The following FBN3 variants were observed in gnomAD, a reference collection of about 807,000 sequenced individuals.
The protein encoded by FBN3 is fibrillin-3.
In FBN3, 234 loss-of-function variants were observed where a neutral mutation model predicts 330.1. The ratio of observed to expected loss-of-function variants is 0.71; its 90% CI spans 0.64 to 0.79. The LOEUF is 0.79. Among genes scored for constraint, FBN3 ranks in the 30% least tolerant of loss-of-function variants. FBN3 has a pLI of 0.00. For synonymous variants in FBN3, 1,458 were observed against 1,517.3 expected (o/e 0.96, Z 0.91); for missense variants, 3,606 against 3,886.9 (o/e 0.93, Z 1.92).
intron 40 of FBN3, among the ~76,000 whole-genome samples, chr19:8,101,239 C>A (rs1253376631): frequency 6.6e-6 from 1 of 152,194 alleles, no homozygotes; most frequent in Non-Finnish European, 1.5e-5. Flanking sequence ...ACCCTCCCAC[C>A]TTAGCCTCCC....
At position 8,121,309 on chromosome 19, in the gene FBN3, C is replaced by T. The variant is rs926312402; in HGVS notation, c.3160G>A (p.Glu1054Lys). ...CCACTCTCGTAGCCGGGAAAACACT[C>T]GCACTCAAAGCTGCCCGGCGTGTTG... The part of the protein sequence containing the change: ...CVNTPGSFEC[E>K]CFPGYESGFM... The change falls in exon 25 of 64, where the codon GAG becomes AAG. Residue 1054 changes from glutamate to lysine, a missense_variant. Glu to Lys is a moderately conservative substitution (Grantham distance 56). Coordinates refer to ENST00000600128, the MANE Select transcript of FBN3 (RefSeq NM_032447.5). The surrounding 1 kb of genome is among the most constrained non-coding windows in gnomAD (Gnocchi z 4.5). 1.2e-5 allele frequency: 19 copies of T among 1,613,442 alleles called. No homozygotes were observed. Among genetic ancestry groups the T allele is most frequent in the East Asian group, 2.2e-5 (1 of 44,814 alleles).
In FBN3 at chr19:8,075,228, G is replaced by A. The variant is rs773678898; in HGVS notation, c.7583-38C>T. On this transcript the variant is annotated intron_variant, in intron 60 of 63. Transcript: ENST00000600128. ...GAGAGGGAGAGAGGGTTTACCAGAC[G>A]GCTCTCAGGACCAACACCCCCAAAC... 51 of 1,576,940 alleles carry A rather than the reference G, an allele frequency of 3.2e-5. 1 individual carries two copies. The Admixed American group carries it at 7.4e-4, about 23-fold the overall frequency.
chr19:8,123,548 C>T lies in FBN3; in HGVS notation c.2998G>A (p.Gly1000Ser), dbSNP rs1358291657. 8 of 1,614,006 alleles carry T rather than the reference C, an allele frequency of 5.0e-6. No individual in the cohort carries two copies. Among genetic ancestry groups the T allele is most frequent in the East Asian group, 2.2e-5 (1 of 44,886 alleles). Reference sequence around the variant, plus strand: ...CTGCCCACCGTGTTTCTGCAGGTACCGTGCGTGCAGAGGCCAGGGAACACC... The same window carrying T: ...CTGCCCACCGTGTTTCTGCAGGTACTGTGCGTGCAGAGGCCAGGGAACACC... ...CKVFPGLCTH[G>S]TCRNTVGSFH... is the part of the protein sequence containing the mutation. Residue 1000 changes from glycine to serine, a missense_variant, in exon 24 of 64, where the codon GGT (glycine) becomes AGT (serine). Transcript: ENST00000600128.
chr19:8,130,178 G>A (rs554769352), intron 16 of FBN3, among the ~76,000 whole-genome samples: 35 of 151,850 alleles, frequency 2.3e-4, no homozygotes, highest in Admixed American at 9.2e-4. Flanking sequence ...AATTACAGGC[G>A]TGAGCCACCG....
At chr19:8,146,079 A>T (rs1221984397) in intron 4 of FBN3, 48 bp downstream of exon 4, 2 of 1,541,046 alleles carry the variant, frequency 1.3e-6, no homozygotes, top group South Asian at 2.4e-5. Flanking sequence ...GGCAACCAGA[A>T]CCCTGTGAAC....
chr19:8,095,914 A>T, intron 45 of FBN3, 50 bp downstream of exon 45: 1 of 1,189,234 alleles, frequency 8.4e-7, no homozygotes, highest in Non-Finnish European at 1.2e-6. Flanking sequence ...TCACTTCCTT[A>T]GATTCTGAGA....
chr19:8,103,513 A>C (rs764546509), intron 39 of FBN3, 49 bp downstream of exon 39: 1 of 1,592,642 alleles, frequency 6.3e-7, no homozygotes, highest in South Asian at 1.1e-5. Flanking sequence ...TCCCATGCCC[A>C]GGTGCTGCTT....
At position 8,129,631 on chromosome 19, in the gene FBN3, G is replaced by C. The variant is rs62123267; in HGVS notation, c.2045-266C>G. On this transcript the variant is annotated intron_variant, in intron 16 of 63. Coordinates refer to ENST00000600128, the MANE Select transcript of FBN3 (RefSeq NM_032447.5). The surrounding 1 kb of genome is among the most constrained non-coding windows in gnomAD (Gnocchi z 4.5). ...CAGCTCCCGTGGCCTCCACCCATGA[G>C]ATGTCAGTAGCACCCACCGCCCCAG... Among the ~76,000 whole-genome samples the C allele has an allele frequency of 6.6e-6, 1 of 152,090 alleles. No homozygotes were observed. The highest frequency in any genetic ancestry group is 1.5e-5 in the Non-Finnish European group (1 of 68,008).
intron 14 of FBN3, 58 bp downstream of exon 14, chr19:8,132,926 C>T: frequency 1.3e-6 from 2 of 1,488,650 alleles, no homozygotes; most frequent in South Asian, 1.3e-5. Flanking sequence ...TCCTCGCCGT[C>T]CCTCTGCTTC....
Position 8,144,986 on chromosome 19 carries a change from A to G in FBN3, c.446-14T>C. On this transcript the variant is annotated splice_polypyrimidine_tract_variant and intron_variant, in intron 5 of 63. Coordinates refer to ENST00000600128, the MANE Select transcript of FBN3 (RefSeq NM_032447.5). ...GGTCACAGATGGCTGTGGAGGAGAG[A>G]GGGTGATGGCTGGAGGTCCCCCAGC... 6.2e-7 allele frequency: 1 copy of G among 1,602,232 alleles called. No homozygotes were observed. Among genetic ancestry groups the G allele is most frequent in the Non-Finnish European group, 8.5e-7 (1 of 1,175,376 alleles).
chr19:8,125,900 A>AGCCGGCC lies in FBN3; in HGVS notation c.2716_2722dup (p.Leu908ArgfsTer18). On this transcript the variant is annotated frameshift_variant, in exon 22 of 64. Coordinates refer to ENST00000600128, the MANE Select transcript of FBN3 (RefSeq NM_032447.5). LOFTEE classifies it high-confidence loss of function. ...ACCTCGCCTGGACTCACCCACGCAC[A>AGCCGGCC]GCCGGCCTGAGGCGTCCAGCATCAG... is the stretch of plus-strand genomic sequence containing the variant. 6.2e-7 allele frequency: 1 copy of AGCCGGCC among 1,612,166 alleles called. No individual in the cohort carries two copies. Among genetic ancestry groups the AGCCGGCC allele is most frequent in the South Asian group, 1.1e-5 (1 of 90,932 alleles).
intron 16 of FBN3, among the ~76,000 whole-genome samples, chr19:8,130,560 G>A (rs2083099862): frequency 1.0e-5 from 1 of 96,974 alleles, no homozygotes. Flanking sequence ...GAGAGAGAGA[G>A]AGAGAAGGAA....
rs144684302 is a variant in FBN3, at chr19:8,116,664, G to A, written c.3712+10C>T. ...TCCACCCGCCCCGCCCCACCGTCCC[G>A]GCTCCTCACCAACACATGTCCTCAT... On this transcript the variant is annotated intron_variant, in intron 29 of 63. Transcript: ENST00000600128. 1,451 of 1,308,606 alleles carry A rather than the reference G, an allele frequency of 1.1e-3. 6 individuals carry two copies. Among genetic ancestry groups the A allele is most frequent in the South Asian group, 1.5e-3 (129 of 85,554 alleles). The allele number at this position is 1,308,606 out of a possible 1,614,324, so 81.1% of individuals were successfully genotyped here. A position where few individuals can be genotyped will look rare whatever the true frequency, so the allele number is the denominator to read the frequency against.
intron 51 of FBN3, among the ~76,000 whole-genome samples, chr19:8,088,728 T>C (rs892268375): frequency 3.3e-5 from 5 of 152,124 alleles, no homozygotes; most frequent in Admixed American, 6.6e-5. Context: ...CATGAATGAA[T>C]GAGCAAAGGA....
intron 8 of FBN3, among the ~76,000 whole-genome samples, chr19:8,141,019 C>T (rs1599444361): frequency 6.6e-6 from 1 of 151,324 alleles, no homozygotes; most frequent in African/African-American, 2.4e-5. Context: ...GGTGAAACCC[C>T]GTCTCTACTA....
chr19:8,112,234 G>A (rs1188624194), intron 30 of FBN3, 135 bp from the exon 31 acceptor site: 12 of 874,808 alleles, frequency 1.4e-5, no homozygotes, highest in Non-Finnish European at 2.1e-5. Flanking sequence ...TTCACCTGGG[G>A]AGCTTCCATC....
At position 8,085,584 on chromosome 19, in the gene FBN3, G is replaced by A. The variant is rs762756913; in HGVS notation, c.6881-15C>T. 38 of 1,527,768 alleles carry A rather than the reference G, an allele frequency of 2.5e-5. No individual in the cohort carries two copies. The East Asian group carries it at 9.1e-4, about 37-fold the overall frequency. The allele number at this position is 1,527,768 out of a possible 1,614,324, so 94.6% of individuals were successfully genotyped here. ...CTGCCGGATGTCTGCAGAGAACAATGGGAAAGACAACGGTCACTCCAGGAG... is the reference window on the plus strand; with the variant it reads ...CTGCCGGATGTCTGCAGAGAACAATAGGAAAGACAACGGTCACTCCAGGAG... On this transcript the variant is annotated splice_polypyrimidine_tract_variant and intron_variant, in intron 55 of 63. Transcript: ENST00000600128.
chr19:8,107,714 AATGGAAGT>A (rs59041625), intron 37 of FBN3, among the ~76,000 whole-genome samples: 36,281 of 150,204 alleles, frequency 0.24, 5,221 homozygotes, highest in East Asian at 0.49. Context: ...AGGATGGTTG[AATGGAAGT>A]ATGGAAGTAT....
rs752241003 is a variant in FBN3 at position 8,066,214 on chromosome 19, A to G, written c.8135T>C (p.Leu2712Pro). 4 of 1,597,302 alleles carry G rather than the reference A, an allele frequency of 2.5e-6. No individual in the cohort carries two copies. Among genetic ancestry groups the G allele is most frequent in the Middle Eastern group, 1.7e-4 (1 of 6,002 alleles). ...GGCCCGGCCCAGGTGTGAGAGGTTC[A>G]GGCCCAAGGTCAGCAGGGCCTCGGA... ...LDSEALLTLGLNLSHLGRAER... is the reference protein window; with the variant it reads ...LDSEALLTLGPNLSHLGRAER... The change falls in exon 64 of 64, where the codon CTG becomes CCG. Residue 2712 changes from leucine (L) to proline (P), a missense_variant. Physicochemically the swap from Leu to Pro is moderately conservative, Grantham distance 98. Transcript: ENST00000600128.
Sources: allele counts gnomAD v4.1 joint callset (sites outside exome capture counted in the v4.1 genomes callset), GRCh38; gene constraint gnomAD v4.1.1; non-coding constraint Gnocchi (gnomAD v3.1); transcripts MANE v1.5; gene names NCBI Gene and HGNC (gene_info 2026-07-23, HGNC 2026-07-21).